Variants in MAGI2 observed in about 807,000 individuals in gnomAD.
MAGI2 encodes membrane associated guanylate kinase, WW and PDZ domain containing 2, also known as membrane-associated guanylate kinase, WW and PDZ domain-containing protein 2.
In MAGI2, 35 loss-of-function variants were observed where a neutral mutation model predicts 133.3. The observed-to-expected ratio is 0.26, with a 90% CI of 0.20 to 0.35. The LOEUF is 0.35. MAGI2 is among the 10% of genes least tolerant of loss of function. The pLI, the probability that MAGI2 is intolerant of heterozygous loss-of-function variation, is 1.00. For missense variants in MAGI2, 1,636 were observed against 1,863.4 expected (o/e 0.88, Z 2.25); for synonymous variants, 729 against 710.6 (o/e 1.03, Z -0.41).
chr7:78,600,694 G>A (rs192903500), intron 3 of MAGI2, among the ~76,000 whole-genome samples: 24 of 152,138 alleles, frequency 1.6e-4, no homozygotes, highest in Admixed American at 1.0e-3. Flanking sequence ...TTAAAGCATC[G>A]GTGAATTTAA....
At chr7:78,845,984 G>A (rs945705097) in intron 2 of MAGI2, among the ~76,000 whole-genome samples, 2 of 151,886 alleles carry the variant, frequency 1.3e-5, no homozygotes, top group Non-Finnish European at 2.9e-5. Context: ...AGGTAAAACC[G>A]TTGGTAGTAT....
intron 2 of MAGI2, among the ~76,000 whole-genome samples, chr7:78,752,476 A>T (rs189390255): frequency 6.6e-6 from 1 of 152,126 alleles, no homozygotes; most frequent in Admixed American, 6.5e-5. Flanking sequence ...GGTGGTGTGC[A>T]CCTGTAATCC....
At chr7:78,121,000 C>CATAAAAAAA (rs1820407612) in intron 20 of MAGI2, among the ~76,000 whole-genome samples, 1 of 75,194 alleles carries the variant, frequency 1.3e-5, no homozygotes, top group Non-Finnish European at 2.4e-5. Flanking sequence ...GACTCCGTCT[C>CATAAAAAAA]AAAAAAAAAA....
At chr7:79,134,118 C>T (rs1821172918) in intron 1 of MAGI2, among the ~76,000 whole-genome samples, 1 of 152,064 alleles carries the variant, frequency 6.6e-6, no homozygotes, top group South Asian at 2.1e-4. Context: ...AAATCTTAGT[C>T]TATTAAGATG....
At chr7:78,314,763 G>T (rs924069335) in intron 9 of MAGI2, among the ~76,000 whole-genome samples, 3 of 152,156 alleles carry the variant, frequency 2.0e-5, no homozygotes, top group Non-Finnish European at 4.4e-5. Flanking sequence ...ATATGTTGTT[G>T]TTATGCTTTT....
chr7:78,233,277 G>T (rs1223514038), intron 10 of MAGI2, among the ~76,000 whole-genome samples: 3 of 152,116 alleles, frequency 2.0e-5, no homozygotes, highest in African/African-American at 4.8e-5. Flanking sequence ...AGTAGACAAA[G>T]AATTCATTAA....
intron 10 of MAGI2, chr7:78,253,241 A>T (rs1218144640): frequency 6.6e-6 from 1 of 152,244 alleles, no homozygotes; most frequent in Non-Finnish European, 1.5e-5. Flanking sequence ...GCAGCCATAA[A>T]AGAAACAAAC....
At chr7:79,145,760 C>T (rs898309419) in intron 1 of MAGI2, among the ~76,000 whole-genome samples, 1 of 152,100 alleles carries the variant, frequency 6.6e-6, no homozygotes, top group African/African-American at 2.4e-5. Context: ...ATCAGAAGTA[C>T]ATTATGTCTA....
chr7:78,305,437 A>G (rs1010808803), intron 9 of MAGI2, among the ~76,000 whole-genome samples: 1 of 152,134 alleles, frequency 6.6e-6, no homozygotes, highest in East Asian at 1.9e-4. Flanking sequence ...CTGGTGCCTA[A>G]TCATATGTGC....
At chr7:79,364,020 G>T (rs1842531238) in intron 1 of MAGI2, among the ~76,000 whole-genome samples, 1 of 151,846 alleles carries the variant, frequency 6.6e-6, no homozygotes, top group Non-Finnish European at 1.5e-5. Context: ...TCAGACAAAT[G>T]CAAATTAGAA....
chr7:79,160,018 C>A (rs1024824981), intron 1 of MAGI2, among the ~76,000 whole-genome samples: 5 of 151,950 alleles, frequency 3.3e-5, no homozygotes, highest in African/African-American at 1.2e-4. Flanking sequence ...GCTCAGATGC[C>A]TTTTAATTCA....
intron 2 of MAGI2, among the ~76,000 whole-genome samples, chr7:78,859,443 A>G (rs889205863): frequency 6.6e-6 from 1 of 151,962 alleles, no homozygotes; most frequent in Non-Finnish European, 1.5e-5. Context: ...TGGTGGTGAC[A>G]AAATCTCTCA....
chr7:78,337,870 TA>T (rs1335266302), intron 9 of MAGI2, among the ~76,000 whole-genome samples: 2 of 147,526 alleles, frequency 1.4e-5, no homozygotes, highest in Non-Finnish European at 3.0e-5. Flanking sequence ...TTTCTTCATT[TA>T]TAAAAGCATC....
Position 78,486,568 on chromosome 7 carries a change from T to C in MAGI2, c.1045+3193A>G, listed in dbSNP as rs1435077645. ...CCACCTGACATGTTGTGTCTGAGAC[T>C]CTGGCACTGAAGACTAATGCAGGAC... On this transcript the variant is annotated intron_variant, in intron 6 of 21. Coordinates refer to ENST00000354212, the MANE Select transcript of MAGI2 (RefSeq NM_012301.4). The C allele has an allele frequency of 6.2e-5, 17 of 272,962 alleles. 1 individual carries two copies. The Admixed American group carries it at 6.3e-4, about 10-fold the overall frequency. 16.9% of individuals were successfully genotyped at this position (272,962 alleles called of 1,614,324 possible).
intron 1 of MAGI2, among the ~76,000 whole-genome samples, chr7:79,135,952 A>C (rs1821367677): frequency 4.7e-5 from 1 of 21,112 alleles, no homozygotes; most frequent in South Asian, 2.6e-3. Context: ...AGAAAGAAAG[A>C]AAGAAAGAAA....
chr7:78,177,658 A>T (rs1483957467), intron 14 of MAGI2, among the ~76,000 whole-genome samples: 1 of 152,120 alleles, frequency 6.6e-6, no homozygotes, highest in Non-Finnish European at 1.5e-5. Context: ...AAACATACAT[A>T]ATTCTGCTGT....
At chr7:78,471,934 A>G (rs2150426333) in intron 6 of MAGI2, among the ~76,000 whole-genome samples, 1 of 152,158 alleles carries the variant, frequency 6.6e-6, no homozygotes, top group Admixed American at 6.5e-5. Context: ...CAAAAAAAAA[A>G]AAGTAAGGGG....
At chr7:78,421,259 G>A (rs1334895031) in intron 6 of MAGI2, among the ~76,000 whole-genome samples, 1 of 152,152 alleles carries the variant, frequency 6.6e-6, no homozygotes, top group Non-Finnish European at 1.5e-5. Context: ...AACAGGGTCA[G>A]TGCCACTGAA....
At chr7:78,242,408 G>A (rs10256556) in intron 10 of MAGI2, among the ~76,000 whole-genome samples, 24,517 of 152,146 alleles carry the variant, frequency 0.16, 2,618 homozygotes, top group East Asian at 0.33. Context: ...ACTTATGTGA[G>A]TGAGAAATAA....
Sources: allele counts gnomAD v4.1 joint callset (sites outside exome capture counted in the v4.1 genomes callset), GRCh38; gene constraint gnomAD v4.1.1; transcripts MANE v1.5; gene names NCBI Gene and HGNC (gene_info 2026-07-23, HGNC 2026-07-21).